Variants in CUL4A observed in about 807,000 individuals in gnomAD.
The protein encoded by CUL4A is cullin 4A.
In CUL4A, 16 loss-of-function variants were observed where a neutral mutation model predicts 95.5. The observed-to-expected ratio is 0.17, with a 90% CI of 0.11 to 0.25. The LOEUF (loss-of-function observed/expected upper bound fraction) is 0.25. Ranked by LOEUF, CUL4A falls within the 10% of genes least tolerant of loss-of-function variation. The pLI is 1.00. For missense variants in CUL4A, 610 were observed against 937.0 expected (o/e 0.65, Z 4.56); for synonymous variants, 380 against 353.1 (o/e 1.08, Z -0.85).
chr13:113,223,442 C>T (rs2040977266), intron 3 of CUL4A, among the ~76,000 whole-genome samples: 1 of 152,154 alleles, frequency 6.6e-6, no homozygotes, highest in African/African-American at 2.4e-5. Flanking sequence ...ATTGCCCAGG[C>T]TAGTGTGCAA....
At chr13:113,208,992 A>G (rs1595318001), upstream of CUL4A, 1 of 889,246 alleles carries the variant, frequency 1.1e-6, no homozygotes, top group Non-Finnish European at 1.4e-6. Context: ...GCCGCGGAGG[A>G]CCCTCCGCGC....
upstream of CUL4A, chr13:113,208,686 C>A (rs777261094): frequency 3.2e-6 from 5 of 1,565,978 alleles, no homozygotes; most frequent in South Asian, 5.8e-5. Context: ...AGCGGGCCAG[C>A]TGGCGTCACT....
At chr13:113,228,172 A>G in intron 4 of CUL4A, 127 bp downstream of exon 4, 1 of 716,450 alleles carries the variant, frequency 1.4e-6, no homozygotes, top group Non-Finnish European at 2.4e-6. Flanking sequence ...GTTGAACAGC[A>G]CGATGAGAAA....
At chr13:113,239,242 T>G (rs2041634851) in intron 9 of CUL4A, among the ~76,000 whole-genome samples, 191 bp from the exon 10 acceptor site, 1 of 152,146 alleles carries the variant, frequency 6.6e-6, no homozygotes, top group Non-Finnish European at 1.5e-5. Flanking sequence ...TCAGAGAAAA[T>G]GAGGTTCACC....
chr13:113,219,630 C>G (rs1306793984), intron 3 of CUL4A: 2 of 152,760 alleles, frequency 1.3e-5, no homozygotes, highest in African/African-American at 4.8e-5. Context: ...AGGTCCTTGC[C>G]TCTCCTCTCA....
rs546441098 is a variant in CUL4A, at chr13:113,260,594, C to CT, written c.2032-7dup. On this transcript the variant is annotated splice_polypyrimidine_tract_variant and intron_variant, in intron 18 of 19. Transcript: ENST00000375440. Reference sequence around the variant, plus strand: ...CAGTTTTACACTTAACTTTTTTTTTCTTTTTTATACAGGTTGAGGAACAGG... The same window carrying CT: ...CAGTTTTACACTTAACTTTTTTTTTCTTTTTTTATACAGGTTGAGGAACAGG... 1.1e-3 allele frequency: 1,690 copies of CT among 1,575,402 alleles called. 2 individuals carry two copies. Among genetic ancestry groups the CT allele is most frequent in the Non-Finnish European group, 1.3e-3 (1,519 of 1,168,780 alleles).
chr13:113,232,147 CATTACTGCTGCCACCACT>C (rs2041354966), intron 5 of CUL4A, among the ~76,000 whole-genome samples: 1 of 138,646 alleles, frequency 7.2e-6, no homozygotes, highest in Non-Finnish European at 1.5e-5. Flanking sequence ...CGCCCACCAC[CATTACTGCTGCCACCACT>C]ACCCGCCCAC....
At position 113,235,736 on chromosome 13, in the gene CUL4A, T is replaced by C. The variant is rs140992033; in HGVS notation, c.848+591T>C. On this transcript the variant is annotated intron_variant, in intron 8 of 19. Coordinates refer to ENST00000375440, the MANE Select transcript of CUL4A (RefSeq NM_001008895.4). ...CTGTAATCCCAGCACTTTGGGAGGC[T>C]GAGGTGGGCAGATCACAAAGTCAGG... Among the ~76,000 whole-genome samples the C allele has an allele frequency of 8.1e-3, 1,234 of 152,072 alleles. 13 individuals are homozygous for C. Among genetic ancestry groups the C allele is most frequent in the African/African-American group, 0.027 (1,106 of 41,462 alleles).
intron 18 of CUL4A, among the ~76,000 whole-genome samples, chr13:113,257,291 A>G (rs2042154446): frequency 6.6e-6 from 1 of 152,140 alleles, no homozygotes; most frequent in East Asian, 1.9e-4. Flanking sequence ...AACAGTTTTT[A>G]AGTTCTCAAA....
chr13:113,218,167 G>A (rs983382986), intron 2 of CUL4A, among the ~76,000 whole-genome samples: 19 of 152,152 alleles, frequency 1.2e-4, no homozygotes, highest in African/African-American at 4.6e-4. Flanking sequence ...GAACCCGGGA[G>A]GTGGAGGTTG....
chr13:113,209,027 G>A (rs2040201987), upstream of CUL4A: 1 of 550,088 alleles, frequency 1.8e-6, no homozygotes, highest in South Asian at 7.9e-5. Context: ...GCCTCGGGGC[G>A]CGCGCGCCCG....
At chr13:113,256,926 G>GATTTTTT (rs2042137477) in intron 18 of CUL4A, among the ~76,000 whole-genome samples, 1 of 47,374 alleles carries the variant, frequency 2.1e-5, no homozygotes, top group Non-Finnish European at 3.6e-5. Context: ...TTTTTTTTTC[G>GATTTTTT]TTTTTTTTTT....
intron 15 of CUL4A, among the ~76,000 whole-genome samples, chr13:113,249,931 T>C (rs982103170): frequency 6.6e-6 from 1 of 152,226 alleles, no homozygotes; most frequent in Non-Finnish European, 1.5e-5. Context: ...GCCTAGTTTT[T>C]AACCGGGCTG....
chr13:113,239,335 C>G (rs754226221), intron 9 of CUL4A, 98 bp from the exon 10 acceptor site: 133 of 1,007,906 alleles, frequency 1.3e-4, no homozygotes, highest in Non-Finnish European at 1.9e-4. Flanking sequence ...AATTTCTAAG[C>G]GGTGTATTGA....
chr13:113,259,222 GT>G (rs1234180759), intron 18 of CUL4A, among the ~76,000 whole-genome samples: 1 of 152,162 alleles, frequency 6.6e-6, no homozygotes, highest in East Asian at 1.9e-4. Flanking sequence ...GTATTGCATA[GT>G]TAGAACCTCT....
chr13:113,235,064 T>C lies in CUL4A; in HGVS notation c.767T>C (p.Val256Ala). 1 of 1,602,924 alleles carries C rather than the reference T, an allele frequency of 6.2e-7. No individual in the cohort carries two copies. Among genetic ancestry groups the C allele is most frequent in the East Asian group, 2.2e-5 (1 of 44,842 alleles). ...ACATTTAATTGTTTTGTTTGTAAGG[T>C]TCCAGAATATCTTAACCATGTAAGT... The part of the protein sequence containing the change: ...EGQRLMQERE[V>A]PEYLNHVSKR... Residue 256 changes from valine (V) to alanine (A), a missense_variant and splice_region_variant, in exon 8 of 20, where the codon GTT becomes GCT. Physicochemically the swap from Val to Ala is moderately conservative, Grantham distance 64. Transcript: ENST00000375440.
intron 15 of CUL4A, among the ~76,000 whole-genome samples, chr13:113,249,310 A>C (rs552755915): frequency 6.8e-6 from 1 of 146,094 alleles, no homozygotes; most frequent in Non-Finnish European, 1.5e-5. Context: ...TATTCCATCC[A>C]TGCTGTGCCA....
In CUL4A at chr13:113,261,738, G is replaced by A. The variant is rs1018161902; in HGVS notation, c.2184+979G>A. 4.0e-5 allele frequency among the ~76,000 whole-genome samples: 6 copies of A among 151,148 alleles called. No individual in the cohort carries two copies. The East Asian group carries it at 7.9e-4, about 20-fold the overall frequency. On this transcript the variant is annotated intron_variant, in intron 19 of 19. Transcript: ENST00000375440. ...CCAGGGCGCCCACTCTGCTCTCAGG[G>A]GTAGAGTGTGGCAGACCAGGGCGCC...
intron 3 of CUL4A, among the ~76,000 whole-genome samples, chr13:113,221,093 GC>G (rs35917866): frequency 0.2 from 29,913 of 152,128 alleles, 3,754 homozygotes; most frequent in South Asian, 0.43. Flanking sequence ...GGGAGGATGC[GC>G]CCTCCTGTGG....
Sources: gnomAD v4.1 joint callset for allele counts (sites outside exome capture counted in the v4.1 genomes callset) on GRCh38, gnomAD v4.1.1 for gene constraint, MANE v1.5 for transcripts, NCBI Gene and HGNC (gene_info 2026-07-23, HGNC 2026-07-21) for gene names.